ACTR3B: variants seen among roughly 807,000 people sequenced by gnomAD.
ACTR3B encodes actin related protein 3B, also known as actin-related protein 3B.
ACTR3B carries 8 observed loss-of-function variants against 59.0 expected under a neutral mutation model. The observed-to-expected ratio is 0.14, with a 90% CI of 0.08 to 0.24. The LOEUF is 0.24. Among genes scored for constraint, ACTR3B ranks in the 10% least tolerant of loss-of-function variants. ACTR3B has a pLI of 1.00. For synonymous variants in ACTR3B, 148 were observed against 197.9 expected, an observed-to-expected ratio of 0.75 and a Z score of 2.12; for missense variants, 245 against 552.3, an observed-to-expected ratio of 0.44 and a Z score of 5.58.
At chr7:152,811,330 C>T (rs1795219310) in intron 4 of ACTR3B, 1 of 148,312 alleles carries the variant, frequency 6.7e-6, no homozygotes, top group Non-Finnish European at 1.5e-5. Context: ...CTTTCCAACT[C>T]TCTGAGTGGG....
chr7:152,842,073 G>A (rs7791049), intron 9 of ACTR3B, among the ~76,000 whole-genome samples: 5,226 of 152,280 alleles, frequency 0.034, 141 homozygotes, highest in Middle Eastern at 0.078. Context: ...TATCACTGTA[G>A]ATGGGATTTG....
intron 2 of ACTR3B, among the ~76,000 whole-genome samples, chr7:152,792,334 T>G (rs2116682240): frequency 6.6e-6 from 1 of 152,366 alleles, no homozygotes; most frequent in Admixed American, 6.5e-5. Context: ...TCCATATTTT[T>G]GCTCTTTCCA....
At chr7:152,775,862 GGTAGT>G (rs1363384218) in intron 1 of ACTR3B, among the ~76,000 whole-genome samples, 1 of 152,170 alleles carries the variant, frequency 6.6e-6, no homozygotes, top group African/African-American at 2.4e-5. Context: ...GCAGAAATGA[GGTAGT>G]GTAAGACTTC....
chr7:152,839,145 C>T (rs1797690120), intron 9 of ACTR3B, among the ~76,000 whole-genome samples: 1 of 148,594 alleles, frequency 6.7e-6, no homozygotes, highest in African/African-American at 2.5e-5. Flanking sequence ...CAGCTCAGCA[C>T]AGGGAGAGCT....
intron 2 of ACTR3B, among the ~76,000 whole-genome samples, chr7:152,796,917 C>T (rs1221517624): frequency 5.0e-5 from 5 of 100,884 alleles, no homozygotes; most frequent in East Asian, 6.9e-4. Flanking sequence ...GGGTTTTCAC[C>T]GTGTTGCCGA....
intron 2 of ACTR3B, among the ~76,000 whole-genome samples, chr7:152,799,336 G>T (rs2098227343): frequency 6.6e-6 from 1 of 152,178 alleles, no homozygotes; most frequent in Non-Finnish European, 1.5e-5. Flanking sequence ...CCAGTGGCCT[G>T]CTTAGGTGCA....
At chr7:152,831,570 A>G (rs1194156989) in intron 9 of ACTR3B, among the ~76,000 whole-genome samples, 4 of 152,226 alleles carry the variant, frequency 2.6e-5, no homozygotes, top group Non-Finnish European at 5.9e-5. Context: ...TAAAATTGCC[A>G]TATGTGGCTG....
intron 2 of ACTR3B, among the ~76,000 whole-genome samples, chr7:152,794,445 T>C (rs772795010): frequency 5.3e-5 from 8 of 152,266 alleles, no homozygotes; most frequent in Non-Finnish European, 8.8e-5. Flanking sequence ...CTCGATCTCT[T>C]GACCTTGTGA....
intron 1 of ACTR3B, among the ~76,000 whole-genome samples, chr7:152,761,547 C>G (rs1465813282): frequency 6.6e-6 from 1 of 152,108 alleles, no homozygotes; most frequent in Non-Finnish European, 1.5e-5. Context: ...TCAGTTTTGA[C>G]CTTTTGAGGT....
chr7:152,828,650 T>G (rs2530919), intron 9 of ACTR3B, among the ~76,000 whole-genome samples: 24 of 152,312 alleles, frequency 1.6e-4, no homozygotes, highest in African/African-American at 2.6e-4. Context: ...GGACGGCCGC[T>G]CATTCCTGTG....
At chr7:152,789,991 CTCTT>C (rs1252418732) in intron 2 of ACTR3B, among the ~76,000 whole-genome samples, 20 of 135,456 alleles carry the variant, frequency 1.5e-4, no homozygotes, top group African/African-American at 4.3e-4. Context: ...GACATTTGTA[CTCTT>C]TCTTTTTTTT....
intron 9 of ACTR3B, among the ~76,000 whole-genome samples, chr7:152,847,980 T>C (rs533853078): frequency 2.0e-5 from 3 of 152,308 alleles, no homozygotes; most frequent in Middle Eastern, 3.4e-3. Context: ...ACTGAAGGAA[T>C]GCTGAGCAGA....
At position 152,854,774 on chromosome 7, in the gene ACTR3B, A is replaced by G. The variant is rs1459934159; in HGVS notation, c.*221A>G. The stretch of plus-strand genomic sequence containing the variant: ...GCCTCCTCCTTCTCCCGCCCTCCTC[A>G]CCCTCGCTCTCCCTCCTCCTCCTCC... On this transcript the variant is annotated 3_prime_UTR_variant, in exon 12 of 12. Coordinates refer to ENST00000256001, the MANE Select transcript of ACTR3B (RefSeq NM_020445.6). This position sits in a 1 kb window ranked among gnomAD's most constrained non-coding sequence, Gnocchi z 4.9. 2 of 496,602 alleles carry G rather than the reference A, an allele frequency of 4.0e-6. No individual in the cohort carries two copies. Among genetic ancestry groups the G allele is most frequent in the Admixed American group, 7.2e-5 (2 of 27,952 alleles). The allele number at this position is 496,602 out of a possible 1,614,324, so 30.8% of individuals were successfully genotyped here.
At chr7:152,790,744 G>A (rs1354188834) in intron 2 of ACTR3B, among the ~76,000 whole-genome samples, 1 of 152,058 alleles carries the variant, frequency 6.6e-6, no homozygotes, top group East Asian at 1.9e-4. Context: ...TCAAGCTTTA[G>A]TAAAAATATC....
At chr7:152,843,601 A>G (rs140382017) in intron 9 of ACTR3B, among the ~76,000 whole-genome samples, 9,257 of 138,126 alleles carry the variant, frequency 0.067, no homozygotes, top group African/African-American at 0.16. Context: ...GTATTATAAT[A>G]AACATTTATT....
chr7:152,840,529 A>C, intron 9 of ACTR3B, among the ~76,000 whole-genome samples: 2 of 151,642 alleles, frequency 1.3e-5, no homozygotes. Flanking sequence ...GCCTTTGGGC[A>C]TCCCCACCTG....
At chr7:152,773,857 G>T (rs2098130056) in intron 1 of ACTR3B, among the ~76,000 whole-genome samples, 1 of 152,176 alleles carries the variant, frequency 6.6e-6, no homozygotes, top group African/African-American at 2.4e-5. Flanking sequence ...GCAGTGTGGG[G>T]CGGGAGAGGG....
chr7:152,762,109 T>G (rs2098091249), intron 1 of ACTR3B, among the ~76,000 whole-genome samples: 1 of 152,260 alleles, frequency 6.6e-6, no homozygotes, highest in Non-Finnish European at 1.5e-5. Context: ...TGATAAACAG[T>G]ATTTTTTACA....
At chr7:152,826,096 A>G (rs555137160) in intron 9 of ACTR3B, among the ~76,000 whole-genome samples, 23 of 152,188 alleles carry the variant, frequency 1.5e-4, no homozygotes, top group Admixed American at 2.6e-4. Context: ...TGAATTGTAC[A>G]GAGAAGAGAA....
Sources: gnomAD v4.1 joint callset for allele counts (sites outside exome capture counted in the v4.1 genomes callset) on GRCh38, gnomAD v4.1.1 for gene constraint, Gnocchi (gnomAD v3.1) non-coding constraint, MANE v1.5 for transcripts, NCBI Gene and HGNC (gene_info 2026-07-23, HGNC 2026-07-21) for gene names.